Variants in CCDC171 observed in about 807,000 individuals in gnomAD.
CCDC171 encodes the protein coiled-coil domain-containing protein 171.
A neutral mutation model predicts 168.2 loss-of-function variants in CCDC171; 177 were observed. The ratio of observed to expected loss-of-function variants is 1.05; its 90% confidence interval spans 0.93 to 1.19. The LOEUF (loss-of-function observed/expected upper bound fraction) is 1.19. Among genes scored for constraint, CCDC171 ranks in the 50% most tolerant of loss-of-function variants. CCDC171 has a pLI of 0.00. For synonymous variants in CCDC171, 687 were observed against 540.8 expected, an observed-to-expected ratio of 1.27 and a Z score of -3.75; for missense variants, 1,991 against 1,539.0, an observed-to-expected ratio of 1.29 and a Z score of -4.91.
intron 11 of CCDC171, among the ~76,000 whole-genome samples, chr9:15,698,938 A>G (rs1400303373): frequency 6.6e-6 from 1 of 152,208 alleles, no homozygotes; most frequent in Non-Finnish European, 1.5e-5. Flanking sequence ...TCTAGTTTAT[A>G]TGACAGTGCA....
At chr9:15,793,821 A>G (rs562044434) in intron 21 of CCDC171, among the ~76,000 whole-genome samples, 1 of 152,132 alleles carries the variant, frequency 6.6e-6, no homozygotes, top group East Asian at 1.9e-4. Flanking sequence ...TGCTGGGATT[A>G]TTGATGTGAC....
chr9:15,846,962 GTCTT>G, intron 22 of CCDC171, 115 bp downstream of exon 22: 1 of 813,154 alleles, frequency 1.2e-6, no homozygotes, highest in African/African-American at 1.7e-5. Context: ...AAGTACAGCT[GTCTT>G]TCTTTGAAAT....
chr9:16,059,659 C>T (rs1201315420), intron 1 of CCDC171, among the ~76,000 whole-genome samples: 27 of 150,146 alleles, frequency 1.8e-4, no homozygotes, highest in African/African-American at 5.7e-4. Flanking sequence ...GGACTACAGG[C>T]GCCCGCCACC....
chr9:15,792,819 G>A (rs548540367), intron 21 of CCDC171, among the ~76,000 whole-genome samples: 21 of 152,224 alleles, frequency 1.4e-4, no homozygotes, highest in African/African-American at 4.8e-4. Flanking sequence ...AGCTCCTGAA[G>A]GAAGCACTAA....
intron 3 of CCDC171, among the ~76,000 whole-genome samples, chr9:16,004,101 T>G (rs908807311): frequency 6.6e-6 from 1 of 152,180 alleles, no homozygotes; most frequent in Non-Finnish European, 1.5e-5. Context: ...CGCGGGAGTT[T>G]GTAGATGATG....
intron 11 of CCDC171, among the ~76,000 whole-genome samples, chr9:15,718,208 T>C (rs2053216539): frequency 6.6e-6 from 1 of 152,168 alleles, no homozygotes; most frequent in Non-Finnish European, 1.5e-5. Context: ...GTACTCCTGG[T>C]GGGCCTGTGG....
intron 17 of CCDC171, 28 bp downstream of exon 17, chr9:15,744,805 T>C: frequency 3.8e-6 from 6 of 1,595,252 alleles, no homozygotes; most frequent in South Asian, 1.1e-5. Context: ...TTTAAAAATA[T>C]AAGTTGCATG....
chr9:15,870,339 A>G (rs1273328378), intron 23 of CCDC171, among the ~76,000 whole-genome samples: 1 of 151,938 alleles, frequency 6.6e-6, no homozygotes, highest in Non-Finnish European at 1.5e-5. Flanking sequence ...GCAAAGTACA[A>G]CATGAATGCA....
chr9:15,839,381 C>T (rs2060579779), intron 21 of CCDC171, among the ~76,000 whole-genome samples: 2 of 152,022 alleles, frequency 1.3e-5, no homozygotes. Context: ...AATCTGAAGA[C>T]GTTGTTACTA....
chr9:15,618,854 C>G (rs1220113458), intron 6 of CCDC171, among the ~76,000 whole-genome samples: 2 of 151,784 alleles, frequency 1.3e-5, no homozygotes, highest in East Asian at 3.9e-4. Context: ...CTAACCAGTC[C>G]CAGTGAGATG....
intron 1 of CCDC171, among the ~76,000 whole-genome samples, chr9:15,557,153 A>G (rs2038875954): frequency 1.3e-5 from 2 of 152,194 alleles, no homozygotes; most frequent in South Asian, 4.1e-4. Flanking sequence ...GCCTTGTAGT[A>G]TAGTTTGAAG....
At chr9:15,837,307 CTA>C (rs1002837146) in intron 21 of CCDC171, among the ~76,000 whole-genome samples, 6 of 152,108 alleles carry the variant, frequency 3.9e-5, no homozygotes, top group African/African-American at 1.2e-4. Context: ...GTTAGAACAA[CTA>C]TGTTTTTCTT....
At chr9:15,684,454 A>G (rs1340183677) in intron 10 of CCDC171, among the ~76,000 whole-genome samples, 1 of 151,906 alleles carries the variant, frequency 6.6e-6, no homozygotes, top group African/African-American at 2.4e-5. Flanking sequence ...ACTTGAGTCA[A>G]CTTTTTCCAT....
chr9:15,930,150 GAGA>G (rs1323214398), intron 25 of CCDC171, among the ~76,000 whole-genome samples: 4 of 151,562 alleles, frequency 2.6e-5, no homozygotes, highest in Non-Finnish European at 5.9e-5. Flanking sequence ...TGAAATTAAT[GAGA>G]AGGTCACTCA....
intron 9 of CCDC171, 113 bp from the exon 10 acceptor site, chr9:15,678,645 C>A: frequency 1.2e-6 from 1 of 802,272 alleles, no homozygotes. Context: ...CTTAAAAAGT[C>A]TTTTAGCATG....
chr9:15,651,006 C>G (rs1485097714), intron 7 of CCDC171, among the ~76,000 whole-genome samples: 2 of 152,124 alleles, frequency 1.3e-5, no homozygotes, highest in Admixed American at 1.3e-4. Context: ...TTCCCTGCCA[C>G]CCACACCCTG....
At chr9:15,963,379 T>C (rs1830525309) in intron 25 of CCDC171, among the ~76,000 whole-genome samples, 1 of 152,164 alleles carries the variant, frequency 6.6e-6, no homozygotes, top group South Asian at 2.1e-4. Context: ...TGTTTATCTA[T>C]CTAAAAATGC....
intron 21 of CCDC171, among the ~76,000 whole-genome samples, chr9:15,805,536 C>T (rs1343226769): frequency 6.6e-6 from 1 of 152,104 alleles, no homozygotes; most frequent in East Asian, 1.9e-4. Flanking sequence ...GTTCAATTTC[C>T]ATGTAATTGT....
chr9:15,917,184 G>C (rs1369683125), intron 24 of CCDC171, among the ~76,000 whole-genome samples: 4 of 151,890 alleles, frequency 2.6e-5, no homozygotes, highest in Non-Finnish European at 5.9e-5. Context: ...AATACTGGAA[G>C]TTAACATTCT....
Sources: gnomAD v4.1 joint callset for allele counts (sites outside exome capture counted in the v4.1 genomes callset) on GRCh38, gnomAD v4.1.1 for gene constraint, MANE v1.5 for transcripts, NCBI Gene and HGNC (gene_info 2026-07-23, HGNC 2026-07-21) for gene names.